Variants in LRRC49 observed in about 807,000 individuals in gnomAD.
LRRC49 encodes the protein leucine-rich repeat-containing protein 49.
A neutral mutation model predicts 83.3 loss-of-function variants in LRRC49; 50 were observed. The observed-to-expected ratio is 0.60, with a 90% confidence interval of 0.48 to 0.76. LRRC49 has a LOEUF of 0.76. LRRC49 is among the 30% of genes least tolerant of loss of function. The pLI is 0.00. For synonymous variants in LRRC49, 286 were observed against 283.3 expected, an observed-to-expected ratio of 1.01 and a Z score of -0.10; for missense variants, 704 against 809.1, an observed-to-expected ratio of 0.87 and a Z score of 1.58.
chr15:70,938,171 G>T (rs1248877699), intron 8 of LRRC49, among the ~76,000 whole-genome samples: 1 of 152,018 alleles, frequency 6.6e-6, no homozygotes, highest in Non-Finnish European at 1.5e-5. Context: ...ATGTTCCCAG[G>T]TCCCCAGGAT....
intron 9 of LRRC49, among the ~76,000 whole-genome samples, chr15:70,977,488 T>TA (rs2037247422): frequency 6.6e-6 from 1 of 152,002 alleles, no homozygotes. Context: ...CTACTAAAAA[T>TA]ACAAAAATTA....
At chr15:70,967,927 G>A (rs1227669763) in intron 9 of LRRC49, among the ~76,000 whole-genome samples, 3 of 151,874 alleles carry the variant, frequency 2.0e-5, no homozygotes, top group Non-Finnish European at 4.4e-5. Context: ...GAATAATGGA[G>A]CAGCTGAAAG....
upstream of LRRC49, chr15:70,891,887 G>C (rs749661444): frequency 1.2e-6 from 2 of 1,612,404 alleles, no homozygotes; most frequent in Non-Finnish European, 1.7e-6. Context: ...GCGTGTACAG[G>C]AGACTGGACC....
At chr15:70,993,135 A>G (rs2037949209) in intron 11 of LRRC49, among the ~76,000 whole-genome samples, 1 of 152,170 alleles carries the variant, frequency 6.6e-6, no homozygotes, top group South Asian at 2.1e-4. Context: ...TCAGACTGCC[A>G]TGCTAGCAAT....
chr15:70,954,989 C>T (rs1480800644), intron 8 of LRRC49, among the ~76,000 whole-genome samples: 1 of 151,948 alleles, frequency 6.6e-6, no homozygotes. Context: ...GAGGTGTGCT[C>T]CAGCAGAAGT....
intron 9 of LRRC49, among the ~76,000 whole-genome samples, chr15:70,978,095 C>G (rs745548239): frequency 6.6e-6 from 1 of 152,056 alleles, no homozygotes; most frequent in Non-Finnish European, 1.5e-5. Flanking sequence ...ATGGCCCATC[C>G]TCTAGAACAC....
chr15:70,967,199 G>T (rs1317095382), intron 9 of LRRC49, among the ~76,000 whole-genome samples: 1 of 152,118 alleles, frequency 6.6e-6, no homozygotes, highest in East Asian at 1.9e-4. Flanking sequence ...ATGGCTGAGG[G>T]ACATAGAAGG....
intron 1 of LRRC49, chr15:70,860,236 G>A: frequency 1.6e-6 from 1 of 613,438 alleles, no homozygotes. Flanking sequence ...CGCTGTGCAT[G>A]GTATCACAGG....
rs578068033 is a variant in LRRC49 at position 70,893,231 on chromosome 15, T to C, written c.48+289T>C. On this transcript the variant is annotated intron_variant, in intron 1 of 15. Coordinates refer to ENST00000260382, the MANE Select transcript of LRRC49 (RefSeq NM_017691.5). ...TTTGGCCAGTCAATTCCTTTTTCTT[T>C]TCTTTTCCTTTTAACTGTGAAGAGA... 3.7e-4 allele frequency: 213 copies of C among 570,726 alleles called. 2 individuals carry two copies. The South Asian group carries it at 4.4e-3, about 12-fold the overall frequency. The allele number at this position is 570,726 out of a possible 1,614,324, so 35.4% of individuals were successfully genotyped here.
At chr15:71,041,796 C>T (rs1265074130) in intron 15 of LRRC49, among the ~76,000 whole-genome samples, 1 of 151,914 alleles carries the variant, frequency 6.6e-6, no homozygotes, top group African/African-American at 2.4e-5. Flanking sequence ...TAATTAGCTA[C>T]AAAAACTCCA....
At chr15:70,940,231 C>G (rs1027001630) in intron 8 of LRRC49, among the ~76,000 whole-genome samples, 1 of 150,408 alleles carries the variant, frequency 6.6e-6, no homozygotes, top group Admixed American at 6.6e-5. Context: ...AATTATTTCA[C>G]TGACCTTCAG....
intron 15 of LRRC49, chr15:71,048,881 T>G: frequency 2.2e-6 from 1 of 455,462 alleles, no homozygotes; most frequent in South Asian, 1.6e-5. Context: ...AATTGTACAC[T>G]TCCCCCCAAC....
chr15:70,865,491 C>T (rs1043692285), intron 1 of LRRC49, among the ~76,000 whole-genome samples: 3 of 152,138 alleles, frequency 2.0e-5, no homozygotes, highest in African/African-American at 7.2e-5. Context: ...CAAGAATGTT[C>T]ATTATGCTTC....
At chr15:71,017,593 G>A (rs1016050827) in intron 14 of LRRC49, among the ~76,000 whole-genome samples, 8 of 152,004 alleles carry the variant, frequency 5.3e-5, no homozygotes, top group African/African-American at 1.9e-4. Context: ...AATATGAATA[G>A]CCAGAAAATG....
At chr15:70,933,484 T>G (rs531592455) in intron 7 of LRRC49, among the ~76,000 whole-genome samples, 7 of 152,184 alleles carry the variant, frequency 4.6e-5, no homozygotes, top group Non-Finnish European at 1.0e-4. Flanking sequence ...AAATACTTTT[T>G]CTTAAATAGA....
chr15:70,993,883 C>T (rs2037984957), intron 11 of LRRC49, among the ~76,000 whole-genome samples: 1 of 152,098 alleles, frequency 6.6e-6, no homozygotes, highest in Admixed American at 6.5e-5. Context: ...CTCGCTGTGT[C>T]TCCCAGGCTG....
intron 9 of LRRC49, among the ~76,000 whole-genome samples, chr15:70,969,763 C>T (rs971298968): frequency 1.3e-5 from 2 of 152,086 alleles, no homozygotes; most frequent in African/African-American, 2.4e-5. Flanking sequence ...GGAGTTTGCT[C>T]ATGATTTGGC....
intron 2 of LRRC49, among the ~76,000 whole-genome samples, chr15:70,877,527 G>A (rs549778797): frequency 1.3e-5 from 2 of 152,190 alleles, no homozygotes; most frequent in East Asian, 3.9e-4. Context: ...TTTTGTATAT[G>A]TTTGTTTTAT....
At chr15:70,987,092 TTC>T (rs913787845) in intron 11 of LRRC49, among the ~76,000 whole-genome samples, 1 of 152,238 alleles carries the variant, frequency 6.6e-6, no homozygotes, top group Non-Finnish European at 1.5e-5. Context: ...TGGTCTAAAA[TTC>T]TCTTTTTTGG....
Sources: allele counts gnomAD v4.1 joint callset (sites outside exome capture counted in the v4.1 genomes callset), GRCh38; gene constraint gnomAD v4.1.1; transcripts MANE v1.5; gene names NCBI Gene and HGNC (gene_info 2026-07-23, HGNC 2026-07-21).